NCOA5: variants seen among roughly 807,000 people sequenced by gnomAD.
The protein encoded by NCOA5 is nuclear receptor coactivator 5, also known as NCoA-5.
A neutral mutation model predicts 59.0 loss-of-function variants in NCOA5; 12 were observed. That is an observed-to-expected ratio of 0.20 (90% CI 0.13 to 0.33). The LOEUF (loss-of-function observed/expected upper bound fraction) is 0.33. Ranked by LOEUF, NCOA5 falls within the 10% of genes least tolerant of loss-of-function variation. The pLI is 1.00. For synonymous variants in NCOA5, 270 were observed against 275.5 expected (o/e 0.98, Z 0.20); for missense variants, 655 against 766.6 (o/e 0.85, Z 1.72).
chr20:46,087,575 T>A (rs1481461390), intron 1 of NCOA5, among the ~76,000 whole-genome samples: 1 of 152,034 alleles, frequency 6.6e-6, no homozygotes, highest in Non-Finnish European at 1.5e-5. Flanking sequence ...CTGACCAACA[T>A]GGAGAAACCC....
intron 3 of NCOA5, among the ~76,000 whole-genome samples, chr20:46,069,695 C>T (rs148305254): frequency 3.3e-5 from 5 of 151,378 alleles, no homozygotes; most frequent in African/African-American, 1.2e-4. Flanking sequence ...CATGCCACTG[C>T]ACTCCAGCCT....
At chr20:46,065,666 T>A (rs1006448249) in intron 5 of NCOA5, among the ~76,000 whole-genome samples, 1 of 152,198 alleles carries the variant, frequency 6.6e-6, no homozygotes, top group Non-Finnish European at 1.5e-5. Context: ...CTTACAAACA[T>A]CAGTTTCTTT....
intron 1 of NCOA5, among the ~76,000 whole-genome samples, 167 bp downstream of exon 1, chr20:46,089,650 C>T (rs1227369526): frequency 6.6e-6 from 1 of 152,030 alleles, no homozygotes; most frequent in African/African-American, 2.4e-5. Flanking sequence ...GGCCGCGCCC[C>T]GCACCGGGCA....
chr20:46,069,549 A>G (rs1402411959), intron 3 of NCOA5, among the ~76,000 whole-genome samples: 1 of 152,230 alleles, frequency 6.6e-6, no homozygotes, highest in African/African-American at 2.4e-5. Context: ...CAGCCTGGGC[A>G]ACACAGTGAG....
intron 2 of NCOA5, among the ~76,000 whole-genome samples, chr20:46,074,342 T>C (rs565859442): frequency 6.6e-6 from 1 of 152,272 alleles, no homozygotes; most frequent in African/African-American, 2.4e-5. Context: ...TGGGTTAGAA[T>C]CAGGTTTCTG....
intron 2 of NCOA5, among the ~76,000 whole-genome samples, chr20:46,073,260 C>T (rs1360764171): frequency 1.3e-5 from 2 of 152,186 alleles, no homozygotes; most frequent in Non-Finnish European, 2.9e-5. Flanking sequence ...TACACGGGCA[C>T]AGCAAAAACA....
intron 4 of NCOA5, 118 bp downstream of exon 4, chr20:46,068,384 T>TTTA (rs2084846292): frequency 5.7e-6 from 6 of 1,058,750 alleles, no homozygotes; most frequent in African/African-American, 1.6e-5. Flanking sequence ...CTTCTTTTTA[T>TTTA]ACACTGCTTG....
At chr20:46,073,012 T>C in intron 2 of NCOA5, among the ~76,000 whole-genome samples, 1 of 152,214 alleles carries the variant, frequency 6.6e-6, no homozygotes, top group East Asian at 1.9e-4. Context: ...CTTACCACAC[T>C]GTTCTGTAAT....
At position 46,063,354 on chromosome 20, in the gene NCOA5, G is replaced by A; in HGVS notation, c.1150+6C>T. On this transcript the variant is annotated splice_donor_region_variant and intron_variant, in intron 7 of 7. Coordinates refer to ENST00000290231, the MANE Select transcript of NCOA5 (RefSeq NM_020967.3). ...AACTTCACCTCGGCCCTGCCACGTA[G>A]CTCACCAGGCAGAGAGTCGGTGCTG... 6.2e-7 allele frequency: 1 copy of A among 1,610,356 alleles called. No individual in the cohort carries two copies. The highest frequency in any genetic ancestry group is 8.5e-7 in the Non-Finnish European group (1 of 1,179,548).
chr20:46,062,987 A>G (rs2084784154), intron 7 of NCOA5, 98 bp from the exon 8 acceptor site: 2 of 984,324 alleles, frequency 2.0e-6, no homozygotes, highest in East Asian at 2.6e-5. Flanking sequence ...AGTCACATCA[A>G]TCATACAGTA....
intron 2 of NCOA5, among the ~76,000 whole-genome samples, chr20:46,071,557 C>T (rs556418660): frequency 4.6e-5 from 7 of 152,334 alleles, no homozygotes; most frequent in South Asian, 2.1e-4. Flanking sequence ...TCATTCAACA[C>T]ATAAATACAC....
At chr20:46,085,861 T>C (rs1173779737) in intron 1 of NCOA5, among the ~76,000 whole-genome samples, 1 of 152,164 alleles carries the variant, frequency 6.6e-6, no homozygotes, top group Non-Finnish European at 1.5e-5. Flanking sequence ...TTTATGTATA[T>C]TATCCCCAAA....
intron 2 of NCOA5, among the ~76,000 whole-genome samples, chr20:46,073,547 G>GT (rs2084906779): frequency 6.6e-6 from 1 of 152,204 alleles, no homozygotes. Context: ...CAACTGCAAA[G>GT]TATTTTTGGA....
chr20:46,066,238 C>G (rs2084822407), intron 5 of NCOA5, among the ~76,000 whole-genome samples: 1 of 152,234 alleles, frequency 6.6e-6, no homozygotes, highest in Non-Finnish European at 1.5e-5. Context: ...TTCTGCTTCT[C>G]TGCTCTGCCT....
chr20:46,064,424 A>G (rs1057367400), intron 6 of NCOA5, among the ~76,000 whole-genome samples: 2 of 152,246 alleles, frequency 1.3e-5, no homozygotes, highest in Non-Finnish European at 2.9e-5. Context: ...TCAATGCATT[A>G]AAAGCTACTT....
At chr20:46,075,297 C>T (rs2084925229) in intron 2 of NCOA5, among the ~76,000 whole-genome samples, 1 of 152,216 alleles carries the variant, frequency 6.6e-6, no homozygotes, top group Non-Finnish European at 1.5e-5. Flanking sequence ...CTGCTGAGAA[C>T]TGATGACTTC....
chr20:46,086,676 A>G (rs2085048574), intron 1 of NCOA5, among the ~76,000 whole-genome samples: 1 of 152,204 alleles, frequency 6.6e-6, no homozygotes, highest in African/African-American at 2.4e-5. Flanking sequence ...CAGGACAACT[A>G]TTTTTGCACA....
rs907911670 is a variant in NCOA5 at position 46,063,783 on chromosome 20, T to C, written c.830-103A>G. 3 of 1,193,926 alleles carry C rather than the reference T, an allele frequency of 2.5e-6. No individual in the cohort carries two copies. In the African/African-American group the frequency reaches 4.6e-5, roughly 18 times the overall value. The allele number at this position is 1,193,926 out of a possible 1,614,324, so 74.0% of individuals were successfully genotyped here. A position where few individuals can be genotyped will look rare whatever the true frequency, so the allele number is the denominator to read the frequency against. ...TCCTAACCTCATACCAGCAAGAAAA[T>C]CATTTTGGTGACAAAAAGCCTTGAG... On this transcript the variant is annotated intron_variant, in intron 6 of 7. Coordinates refer to ENST00000290231, the MANE Select transcript of NCOA5 (RefSeq NM_020967.3).
chr20:46,075,500 A>G (rs1321373710), intron 2 of NCOA5, among the ~76,000 whole-genome samples: 1 of 152,224 alleles, frequency 6.6e-6, no homozygotes, highest in Admixed American at 6.5e-5. Flanking sequence ...ATACCCAATG[A>G]CTTTCACCAA....
Sources: allele counts gnomAD v4.1 joint callset (sites outside exome capture counted in the v4.1 genomes callset), GRCh38; gene constraint gnomAD v4.1.1; transcripts MANE v1.5; gene names NCBI Gene and HGNC (gene_info 2026-07-23, HGNC 2026-07-21).